The following RAD9A variants were observed in gnomAD, a reference collection of about 807,000 sequenced individuals.
RAD9A encodes the protein RAD9 checkpoint clamp component A.
A neutral mutation model predicts 41.2 loss-of-function variants in RAD9A; 25 were observed. That is an observed-to-expected ratio of 0.61 (90% CI 0.44 to 0.85). The LOEUF (loss-of-function observed/expected upper bound fraction) is 0.85, where lower values mean the gene tolerates loss of function less well. Among genes scored for constraint, RAD9A ranks in the 40% least tolerant of loss-of-function variants. The probability of loss-of-function intolerance (pLI) is 0.00; values close to 1 mark genes in which losing one functional copy is unlikely to be tolerated. For synonymous variants in RAD9A, 252 were observed against 210.6 expected (o/e 1.20, Z -1.70); for missense variants, 514 against 518.3 (o/e 0.99, Z 0.08).
At chr11:67,392,901 C>T in intron 3 of RAD9A, 119 bp downstream of exon 3, 9 of 1,336,058 alleles carry the variant, frequency 6.7e-6, no homozygotes, top group Non-Finnish European at 1.0e-6. Context: ...CAAGCCCAAT[C>T]CATGCAAAAC....
intron 2 of RAD9A, 31 bp downstream of exon 2, chr11:67,392,262 G>GGGGGGGGGGGGGGGGGGGT: frequency 1.7e-6 from 1 of 600,786 alleles, no homozygotes; most frequent in Non-Finnish European, 3.0e-6. Flanking sequence ...GGGCGGGTGG[G>GGGGGGGGGGGGGGGGGGGT]ACTCCAGCCG....
Position 67,397,548 on chromosome 11 carries a change from G to A in RAD9A, c.1165G>A (p.Gly389Ser). 3 of 1,605,636 alleles carry A rather than the reference G, an allele frequency of 1.9e-6. No individual in the cohort carries two copies. The highest frequency in any genetic ancestry group is 2.6e-6 in the Non-Finnish European group (3 of 1,173,962). The change falls in exon 11 of 11, where the codon GGT becomes AGT. Residue 389 changes from glycine (G) to serine (S), a missense_variant. Gly to Ser is a moderately conservative substitution (Grantham distance 56). Transcript: ENST00000307980. ...CCCTGTGCTGGCGGAAGACAGTGAG[G>A]GTGAAGGCTGAACCAAGAACCTGAA... ...PSPVLAEDSE[G>S]EG
chr11:67,392,065 C>T lies in RAD9A; in HGVS notation c.21C>T (p.Gly7=). 3 of 1,585,046 alleles carry T rather than the reference C, an allele frequency of 1.9e-6. No homozygotes were observed. The highest frequency in any genetic ancestry group is 2.6e-6 in the Non-Finnish European group (3 of 1,167,468). The change falls in exon 1 of 11, where the codon GGC becomes GGT. Residue 7 remains glycine, a synonymous_variant. Transcript: ENST00000307980. MKCLVT[G]GNVKVLGKAV... ...GCAGCATGAAGTGCCTGGTCACGGG[C>T]GGCAACGTGAAGGGTGAGTGCAGGT...
chr11:67,392,050 G>T lies in RAD9A; in HGVS notation c.6G>T (p.Lys2Asn). 6.3e-7 allele frequency: 1 copy of T among 1,576,562 alleles called. No individual in the cohort carries two copies. Residue 2 changes from lysine (K) to asparagine (N), a missense_variant, in exon 1 of 11, where the codon AAG becomes AAT. By Grantham distance (94) the Lys-to-Asn change is moderately conservative. Coordinates refer to ENST00000307980, the MANE Select transcript of RAD9A (RefSeq NM_004584.3). ...TGGCGGAGCGCTGGGGCAGCATGAA[G>T]TGCCTGGTCACGGGCGGCAACGTGA... M[K>N]CLVTGGNVKV...
intron 5 of RAD9A, chr11:67,395,099 C>G (rs1044777451): frequency 6.6e-6 from 1 of 152,170 alleles, no homozygotes; most frequent in Non-Finnish European, 1.5e-5. Flanking sequence ...ACCACCACGC[C>G]CGGCTAATTT....
chr11:67,392,210 C>T lies in RAD9A; in HGVS notation c.84C>T (p.Tyr28=), dbSNP rs747971736. Residue 28 remains tyrosine, a synonymous_variant, in exon 2 of 11, where the codon TAC becomes TAT. Transcript: ENST00000307980. The part of the protein sequence containing the change: ...HSLSRIGDEL[Y]LEPLEDGLSL... ...TGTCCCGCATCGGGGACGAGCTCTA[C>T]CTGGAACCCTTGGAGGACGGGGTGA... The T allele has an allele frequency of 1.9e-6, 3 of 1,609,696 alleles. No homozygotes were observed. Among genetic ancestry groups the T allele is most frequent in the South Asian group, 1.1e-5 (1 of 90,774 alleles).
intron 3 of RAD9A, chr11:67,393,051 G>A: frequency 2.3e-6 from 1 of 436,918 alleles, no homozygotes; most frequent in Non-Finnish European, 3.9e-6. Context: ...GGAGGCCGAG[G>A]CAGGCGGATC....
chr11:67,393,641 C>A, intron 4 of RAD9A, 31 bp downstream of exon 4: 1 of 1,613,508 alleles, frequency 6.2e-7, no homozygotes, highest in Non-Finnish European at 8.5e-7. Context: ...CCAAGGGGTG[C>A]CTCAGCAGGG....
intron 5 of RAD9A, among the ~76,000 whole-genome samples, chr11:67,394,126 C>T (rs1480050218): frequency 6.6e-6 from 1 of 152,254 alleles, no homozygotes; most frequent in African/African-American, 2.4e-5. Context: ...CACCAAATCT[C>T]TTGTCTGGCT....
At chr11:67,392,970 A>G (rs1862573799) in intron 3 of RAD9A, 188 bp downstream of exon 3, 1 of 888,128 alleles carries the variant, frequency 1.1e-6, no homozygotes, top group Non-Finnish European at 1.6e-6. Context: ...GTGACGCTCA[A>G]GTTCGTCAAG....
At chr11:67,393,420 G>T in intron 3 of RAD9A, 76 bp from the exon 4 acceptor site, 1 of 1,560,130 alleles carries the variant, frequency 6.4e-7, no homozygotes, top group East Asian at 2.3e-5. Context: ...GGCCCATGAT[G>T]GGTGTGGGCC....
chr11:67,397,548 G>GTT lies in RAD9A; in HGVS notation c.1165_1166insTT (p.Gly389ValfsTer9). The GTT allele has an allele frequency of 6.2e-7, 1 of 1,605,636 alleles. No homozygotes were observed. The highest frequency in any genetic ancestry group is 8.5e-7 in the Non-Finnish European group (1 of 1,173,962). On this transcript the variant is annotated frameshift_variant, in exon 11 of 11. Transcript: ENST00000307980. LOFTEE classifies it high-confidence loss of function. The stretch of plus-strand genomic sequence containing the variant: ...CCCTGTGCTGGCGGAAGACAGTGAG[G>GTT]GTGAAGGCTGAACCAAGAACCTGAA...
chr11:67,394,684 C>T (rs528187834), intron 5 of RAD9A, among the ~76,000 whole-genome samples: 8 of 151,386 alleles, frequency 5.3e-5, no homozygotes, highest in South Asian at 2.1e-4. Flanking sequence ...GGCACGATCT[C>T]GGCTCACCAC....
At chr11:67,392,321 C>G in intron 2 of RAD9A, 90 bp downstream of exon 2, 1 of 1,177,210 alleles carries the variant, frequency 8.5e-7, no homozygotes, top group South Asian at 1.5e-5. Flanking sequence ...GCGGGATGAC[C>G]GCTGGCAGAT....
Position 67,398,154 on chromosome 11 carries a change from T to C in RAD9A, c.*595T>C, listed in dbSNP as rs1862775903. On this transcript the variant is annotated 3_prime_UTR_variant, in exon 11 of 11. Transcript: ENST00000307980. ...TCTGTGCAGAAGAGCTGCCAGGCAG[T>C]GTCTTAGATGTGAGACGGAGGCCAT... The C allele has an allele frequency of 3.9e-6, 1 of 257,734 alleles. No homozygotes were observed. Among genetic ancestry groups the C allele is most frequent in the Non-Finnish European group, 7.5e-6 (1 of 132,708 alleles). 16.0% of individuals were successfully genotyped at this position (257,734 alleles called of 1,614,324 possible).
At chr11:67,392,259 T>TGGGGGGGGGGG in intron 2 of RAD9A, 28 bp downstream of exon 2, 1 of 484,302 alleles carries the variant, frequency 2.1e-6, no homozygotes, top group Non-Finnish European at 4.1e-6. Flanking sequence ...GGGGGGCGGG[T>TGGGGGGGGGGG]GGGACTCCAG....
At chr11:67,395,588 C>G in intron 5 of RAD9A, 128 bp from the exon 6 acceptor site, 1 of 715,336 alleles carries the variant, frequency 1.4e-6, no homozygotes, top group South Asian at 1.9e-5. Flanking sequence ...TTCTCTGGGC[C>G]TCATCCACGG....
At chr11:67,397,056 G>A (rs533286638) in intron 9 of RAD9A, 123 bp from the exon 10 acceptor site, 1 of 669,484 alleles carries the variant, frequency 1.5e-6, no homozygotes, top group African/African-American at 1.8e-5. Context: ...GCCAAATCAG[G>A]AAGTCATAAA....
chr11:67,396,869 G>A (rs545985013), intron 9 of RAD9A, among the ~76,000 whole-genome samples: 3 of 152,246 alleles, frequency 2.0e-5, no homozygotes, highest in Admixed American at 6.5e-5. Context: ...CTGGGAAGGT[G>A]GGGGCTTGGG....
Sources: allele counts gnomAD v4.1 joint callset (sites outside exome capture counted in the v4.1 genomes callset), GRCh38; gene constraint gnomAD v4.1.1; transcripts MANE v1.5; gene names NCBI Gene and HGNC (gene_info 2026-07-23, HGNC 2026-07-21).